The following NFATC2 variants were observed in gnomAD, a reference collection of about 807,000 sequenced individuals.
NFATC2 encodes nuclear factor of activated T cells 2.
NFATC2 carries 22 observed loss-of-function variants against 87.3 expected under a neutral mutation model. That is an observed-to-expected ratio of 0.25 (90% CI 0.18 to 0.36). NFATC2 has a LOEUF of 0.36. Among genes scored for constraint, NFATC2 ranks in the 10% least tolerant of loss-of-function variants. The pLI is 1.00. For missense variants in NFATC2, 1,149 were observed against 1,259.1 expected (o/e 0.91, Z 1.32); for synonymous variants, 565 against 542.2 (o/e 1.04, Z -0.58).
chr20:51,478,188 T>C (rs906314792), intron 3 of NFATC2, among the ~76,000 whole-genome samples: 1 of 152,158 alleles, frequency 6.6e-6, no homozygotes, highest in Non-Finnish European at 1.5e-5. Flanking sequence ...TGGGCCAAGA[T>C]GGAAATCCAA....
At position 51,523,445 on chromosome 20, in the gene NFATC2, C is replaced by G. The variant is rs772408085; in HGVS notation, c.796G>C (p.Gly266Arg). ...CTCCGGGAGCGCTGGGGTGAGGCTC[C>G]GGGCGGCAGGGCAACCAAGGCCTCG... ...CAEALVALPP[G>R]ASPQRSRSPS... Residue 266 changes from glycine to arginine, a missense_variant, in exon 2 of 11, where the codon GGA (glycine) becomes CGA (arginine). Coordinates refer to ENST00000371564, the MANE Select transcript of NFATC2 (RefSeq NM_012340.5). The surrounding 1 kb of genome is among the most constrained non-coding windows in gnomAD (Gnocchi z 6.9). The G allele has an allele frequency of 6.2e-7, 1 of 1,608,992 alleles. No homozygotes were observed. The highest frequency in any genetic ancestry group is 1.7e-5 in the Admixed American group (1 of 59,464).
chr20:51,473,424 C>T (rs1332968069), intron 5 of NFATC2, among the ~76,000 whole-genome samples: 2 of 152,172 alleles, frequency 1.3e-5, no homozygotes, highest in African/African-American at 2.4e-5. Context: ...CCCTGCCACT[C>T]TTTGGTTGTG....
At chr20:51,557,857 G>C (rs1207490947) in intron 1 of NFATC2, among the ~76,000 whole-genome samples, 2 of 152,188 alleles carry the variant, frequency 1.3e-5, no homozygotes, top group African/African-American at 4.8e-5. Flanking sequence ...GACCAAGACA[G>C]GTGTGGTTTC....
At chr20:51,456,684 A>G (rs920500399) in intron 5 of NFATC2, among the ~76,000 whole-genome samples, 10 of 152,196 alleles carry the variant, frequency 6.6e-5, no homozygotes, top group Admixed American at 5.9e-4. Flanking sequence ...CCAAGCCCAG[A>G]GAACTGGGCA....
At chr20:51,411,643 C>T (rs1979278900) in intron 9 of NFATC2, among the ~76,000 whole-genome samples, 1 of 151,388 alleles carries the variant, frequency 6.6e-6, no homozygotes, top group Non-Finnish European at 1.5e-5. Context: ...TTCTCCTGCC[C>T]CAGCCTCCTG....
chr20:51,550,089 A>G (rs2076920340), intron 1 of NFATC2, among the ~76,000 whole-genome samples: 2 of 152,272 alleles, frequency 1.3e-5, no homozygotes, highest in Non-Finnish European at 2.9e-5. Flanking sequence ...CACGTCTATA[A>G]TCCCAGCACT....
At chr20:51,529,409 G>C (rs185407079) in intron 1 of NFATC2, among the ~76,000 whole-genome samples, 229 of 152,156 alleles carry the variant, frequency 1.5e-3, no homozygotes, top group Non-Finnish European at 2.1e-3. Flanking sequence ...AGCAAGCAGG[G>C]AATATGAAGA....
intron 3 of NFATC2, among the ~76,000 whole-genome samples, chr20:51,495,187 C>A (rs1168660762): frequency 6.6e-6 from 1 of 152,196 alleles, no homozygotes; most frequent in African/African-American, 2.4e-5. Context: ...TGTTCTCAAG[C>A]AATTCTCCCC....
chr20:51,419,774 G>T (rs6013182), intron 9 of NFATC2, among the ~76,000 whole-genome samples: 2 of 151,996 alleles, frequency 1.3e-5, no homozygotes, highest in African/African-American at 4.8e-5. Context: ...CATTCGAGAG[G>T]GATTTCATGA....
In NFATC2 at chr20:51,411,516, C is replaced by CTTTTTTTTTT. The variant is rs67935951; in HGVS notation, c.2723-12796_2723-12787dup. Among the ~76,000 whole-genome samples, 11 of 87,252 alleles carry CTTTTTTTTTT rather than the reference C, an allele frequency of 1.3e-4. 1 individual carries two copies. The highest frequency in any genetic ancestry group is 4.2e-4 in the African/African-American group (10 of 23,966). The allele number at this position is 87,252 out of a possible 152,430, so 57.2% of individuals were successfully genotyped here. ...CAAGGTCCTGAAGCAATGCAATTGTCTTTTTTTTTTTTTTTTTTTTTTTTT... is the reference window on the plus strand; with the variant it reads ...CAAGGTCCTGAAGCAATGCAATTGTCTTTTTTTTTTTTTTTTTTTTTTTTTTTTTTTTTTT... On this transcript the variant is annotated intron_variant, in intron 9 of 10. Transcript: ENST00000371564.
At chr20:51,459,546 G>A (rs929842839) in intron 5 of NFATC2, among the ~76,000 whole-genome samples, 1 of 152,162 alleles carries the variant, frequency 6.6e-6, no homozygotes, top group Non-Finnish European at 1.5e-5. Context: ...TGTGGCCTTC[G>A]AGTGGCAGCT....
At chr20:51,400,295 A>T (rs1272962706) in intron 9 of NFATC2, among the ~76,000 whole-genome samples, 1 of 152,162 alleles carries the variant, frequency 6.6e-6, no homozygotes, top group African/African-American at 2.4e-5. Flanking sequence ...TTTAAGGAGC[A>T]CTTCAGTGGA....
At chr20:51,407,428 G>T (rs1978502192) in intron 9 of NFATC2, among the ~76,000 whole-genome samples, 1 of 152,262 alleles carries the variant, frequency 6.6e-6, no homozygotes, top group African/African-American at 2.4e-5. Context: ...TTGGATGAAT[G>T]AATGATTTAG....
intron 5 of NFATC2, among the ~76,000 whole-genome samples, chr20:51,462,981 C>G (rs573129610): frequency 1.3e-5 from 2 of 152,350 alleles, no homozygotes; most frequent in South Asian, 4.1e-4. Flanking sequence ...AAGAAGGTTC[C>G]TCCCATTGGT....
chr20:51,543,992 T>TTTTTTTTG (rs1271735455), upstream of NFATC2, among the ~76,000 whole-genome samples: 3 of 136,662 alleles, frequency 2.2e-5, no homozygotes, highest in Non-Finnish European at 3.1e-5. Context: ...TTTTTTTTTT[T>TTTTTTTTG]TTTTTTTTTT....
intron 9 of NFATC2, among the ~76,000 whole-genome samples, chr20:51,402,185 A>C (rs1988114718): frequency 6.6e-6 from 1 of 152,240 alleles, no homozygotes; most frequent in East Asian, 1.9e-4. Context: ...GACTTTCTCA[A>C]CTAAGCTGCC....
chr20:51,468,495 T>G (rs1008056085), intron 5 of NFATC2, among the ~76,000 whole-genome samples: 1 of 152,204 alleles, frequency 6.6e-6, no homozygotes, highest in Admixed American at 6.5e-5. Context: ...ACGTGTTTTC[T>G]GAAATACACG....
intron 6 of NFATC2, among the ~76,000 whole-genome samples, chr20:51,440,236 C>CAAAAAAAAAAAAAAAAAAAA (rs34071345): frequency 1.0e-5 from 1 of 97,228 alleles, no homozygotes; most frequent in East Asian, 3.1e-4. Context: ...AACTCCATCT[C>CAAAAAAAAAAAAAAAAAAAA]AAAAAAAAAA....
At chr20:51,422,939 G>C (rs1245164084) in intron 9 of NFATC2, among the ~76,000 whole-genome samples, 1 of 152,094 alleles carries the variant, frequency 6.6e-6, no homozygotes, top group African/African-American at 2.4e-5. Flanking sequence ...CATTTCTAGA[G>C]AGAAACAGAC....
Sources: allele counts gnomAD v4.1 joint callset (sites outside exome capture counted in the v4.1 genomes callset), GRCh38; gene constraint gnomAD v4.1.1; non-coding constraint Gnocchi (gnomAD v3.1); transcripts MANE v1.5; gene names NCBI Gene and HGNC (gene_info 2026-07-23, HGNC 2026-07-21).